The following EPRS1 variants were observed in gnomAD, a reference collection of about 807,000 sequenced individuals.
EPRS1 encodes the protein glutamyl-prolyl-tRNA synthetase 1, also known as bifunctional glutamate/proline--tRNA ligase.
EPRS1 carries 107 observed loss-of-function variants against 188.3 expected under a neutral mutation model. The observed-to-expected ratio is 0.57, with a 90% CI of 0.49 to 0.67. EPRS1 has a LOEUF of 0.67. Among genes scored for constraint, EPRS1 ranks in the 30% least tolerant of loss-of-function variants. The pLI, the probability that EPRS1 is intolerant of heterozygous loss-of-function variation, is 0.00. For missense variants in EPRS1, 1,577 were observed against 1,802.2 expected, an observed-to-expected ratio of 0.88 and a Z score of 2.26; for synonymous variants, 596 against 593.1, an observed-to-expected ratio of 1.00 and a Z score of -0.07.
At chr1:220,013,077 AT>A (rs1661638797) in intron 12 of EPRS1, among the ~76,000 whole-genome samples, 1 of 152,228 alleles carries the variant, frequency 6.6e-6, no homozygotes, top group Non-Finnish European at 1.5e-5. Context: ...AAAGCAGTCA[AT>A]AAGGGTTCAT....
intron 18 of EPRS1, among the ~76,000 whole-genome samples, chr1:219,992,215 T>C (rs1655587464): frequency 6.6e-6 from 1 of 152,012 alleles, no homozygotes; most frequent in Admixed American, 6.6e-5. Flanking sequence ...TAAAAAACAA[T>C]AACATTGGTG....
chr1:220,007,086 G>A (rs1262959615), intron 14 of EPRS1, 116 bp downstream of exon 14: 4 of 835,518 alleles, frequency 4.8e-6, no homozygotes, highest in African/African-American at 1.7e-5. Flanking sequence ...GCTATGTCTG[G>A]GCAGATTTAC....
At chr1:220,004,401 T>C (rs1288107011) in intron 16 of EPRS1, among the ~76,000 whole-genome samples, 1 of 152,058 alleles carries the variant, frequency 6.6e-6, no homozygotes, top group Non-Finnish European at 1.5e-5. Flanking sequence ...TTCAGACTGG[T>C]GGGCATGTGA....
intron 2 of EPRS1, among the ~76,000 whole-genome samples, chr1:220,035,845 G>A (rs113611934): frequency 5.3e-5 from 8 of 152,108 alleles, no homozygotes; most frequent in African/African-American, 1.9e-4. Context: ...ATAAATCAAG[G>A]CAAAGGAGCC....
chr1:220,005,062 T>C (rs1041679320), intron 16 of EPRS1, among the ~76,000 whole-genome samples, 186 bp downstream of exon 16: 9 of 152,222 alleles, frequency 5.9e-5, no homozygotes, highest in Non-Finnish European at 8.8e-5. Context: ...TCAATGTGCG[T>C]GTTGTTTCAA....
At chr1:220,011,103 A>C (rs761238746) in intron 12 of EPRS1, 47 bp from the exon 13 acceptor site, 9 of 1,056,680 alleles carry the variant, frequency 8.5e-6, no homozygotes, top group South Asian at 1.3e-5. Flanking sequence ...TATCTTATAG[A>C]GCGCCATAAG....
At chr1:219,971,515 G>T (rs958297273) in intron 30 of EPRS1, among the ~76,000 whole-genome samples, 15 of 151,916 alleles carry the variant, frequency 9.9e-5, no homozygotes, top group Admixed American at 8.5e-4. Context: ...TACAGTCAGG[G>T]AATGGAAAGA....
At chr1:219,988,451 T>C in intron 19 of EPRS1, 139 bp downstream of exon 19, 1 of 625,428 alleles carries the variant, frequency 1.6e-6, no homozygotes, top group South Asian at 2.1e-5. Context: ...AAAGTTTCTC[T>C]AAAAGGCAAG....
In EPRS1 at chr1:219,972,083, G is replaced by C. The variant is rs148671123; in HGVS notation, c.4309C>G (p.Leu1437Val). The change falls in exon 30 of 32, where the codon CTA (leucine) becomes GTA (valine). Residue 1437 changes from leucine to valine, a missense_variant. Leu to Val is a conservative substitution (Grantham distance 32, BLOSUM62 1). Around this residue, in one of 3 missense-constraint regions of EPRS1, gnomAD observed 296 missense variants for 327.9 expected, o/e 0.90. Coordinates refer to ENST00000366923, the MANE Select transcript of EPRS1 (RefSeq NM_004446.3). ...ANTMEDFQKI[L>V]DSGKIVQIPF... ...AACTCTCTGACCTTTCCAGAATCTAGTATCTTCTGAAAGTCTTCCATTGTA... is the reference window on the plus strand; with the variant it reads ...AACTCTCTGACCTTTCCAGAATCTACTATCTTCTGAAAGTCTTCCATTGTA... 92 of 1,593,076 alleles carry C rather than the reference G, an allele frequency of 5.8e-5. No homozygotes were observed. Among genetic ancestry groups the C allele is most frequent in the Non-Finnish European group, 7.4e-5 (86 of 1,169,400 alleles).
intron 30 of EPRS1, chr1:219,969,383 C>T (rs1558267464): frequency 9.7e-6 from 4 of 411,878 alleles, no homozygotes; most frequent in Non-Finnish European, 1.7e-5. Context: ...ACCCTCAAAT[C>T]TCCCATAAAC....
At position 220,007,231 on chromosome 1, in the gene EPRS1, C is replaced by G. The variant is rs1171673897; in HGVS notation, c.1713G>C (p.Trp571Cys). Residue 571 changes from tryptophan (W) to cysteine (C), a missense_variant, in exon 14 of 32, where the codon TGG becomes TGC. Trp to Cys is a radical substitution (Grantham distance 215, BLOSUM62 -2). Coordinates refer to ENST00000366923, the MANE Select transcript of EPRS1 (RefSeq NM_004446.3). ...GTATTTTTGTAATGTTGAGGTTGCC[C>G]CAATTTATAAATGTAACCATCTCAC... The part of the protein sequence containing the change: ...SEGEMVTFIN[W>C]GNLNITKIHK... 6.2e-7 allele frequency: 1 copy of G among 1,613,264 alleles called. No individual in the cohort carries two copies.
chr1:220,044,919 C>T (rs778190972), intron 1 of EPRS1, among the ~76,000 whole-genome samples: 1 of 152,170 alleles, frequency 6.6e-6, no homozygotes. Flanking sequence ...CATGAAGGCA[C>T]TCTAATGCCT....
At chr1:220,012,988 C>T (rs1337612700) in intron 12 of EPRS1, among the ~76,000 whole-genome samples, 1 of 152,142 alleles carries the variant, frequency 6.6e-6, no homozygotes. Flanking sequence ...ACTTTATTAG[C>T]TGAGAACAGA....
intron 17 of EPRS1, among the ~76,000 whole-genome samples, chr1:219,999,405 G>A (rs1367405815): frequency 1.3e-5 from 2 of 151,722 alleles, no homozygotes; most frequent in Non-Finnish European, 2.9e-5. Context: ...GCCCTTTCCT[G>A]AATCTGAGAA....
chr1:220,035,930 T>G (rs1459660553), intron 2 of EPRS1, among the ~76,000 whole-genome samples: 1 of 152,020 alleles, frequency 6.6e-6, no homozygotes, highest in African/African-American at 2.4e-5. Context: ...CCAGGTGTGG[T>G]GGCTCATGCC....
chr1:219,980,903 A>G, intron 24 of EPRS1, 46 bp from the exon 25 acceptor site: 1 of 1,266,596 alleles, frequency 7.9e-7, no homozygotes, highest in Non-Finnish European at 1.1e-6. Context: ...AGAGCTTTTC[A>G]ATTTTTTTTT....
At chr1:220,012,442 T>C (rs1316475486) in intron 12 of EPRS1, among the ~76,000 whole-genome samples, 1 of 152,192 alleles carries the variant, frequency 6.6e-6, no homozygotes, top group African/African-American at 2.4e-5. Flanking sequence ...GAGCAGGATG[T>C]TTCCTATACT....
intron 16 of EPRS1, among the ~76,000 whole-genome samples, chr1:220,003,037 T>C (rs1571675392): frequency 1.3e-5 from 2 of 152,226 alleles, no homozygotes; most frequent in South Asian, 4.1e-4. Flanking sequence ...GTGTTTAATT[T>C]TTGGAGGAAT....
chr1:220,008,107 CAAAAAAA>C (rs55642831), intron 13 of EPRS1, among the ~76,000 whole-genome samples: 1 of 133,350 alleles, frequency 7.5e-6, no homozygotes, highest in African/African-American at 2.9e-5. Flanking sequence ...ACTCCGTCAC[CAAAAAAA>C]AAAAAAAAAA....
Sources: allele counts gnomAD v4.1 joint callset (sites outside exome capture counted in the v4.1 genomes callset), GRCh38; gene constraint gnomAD v4.1.1; regional missense constraint gnomAD v4.1.1; transcripts MANE v1.5; gene names NCBI Gene and HGNC (gene_info 2026-07-23, HGNC 2026-07-21).